The following MAGI3 variants were observed in gnomAD, a reference collection of about 807,000 sequenced individuals.
The protein encoded by MAGI3 is membrane-associated guanylate kinase, WW and PDZ domain-containing protein 3.
A neutral mutation model predicts 121.8 loss-of-function variants in MAGI3; 43 were observed. The ratio of observed to expected loss-of-function variants is 0.35; its 90% CI spans 0.28 to 0.46. The LOEUF is 0.46. MAGI3 is among the 20% of genes least tolerant of loss of function. The probability of loss-of-function intolerance (pLI) is 1.00; values close to 1 mark genes in which losing one functional copy is unlikely to be tolerated. For synonymous variants in MAGI3, 553 were observed against 639.3 expected, an observed-to-expected ratio of 0.86 and a Z score of 2.04; for missense variants, 1,547 against 1,797.3, an observed-to-expected ratio of 0.86 and a Z score of 2.52.
chr1:113,683,652 G>A lies in MAGI3; in HGVS notation c.4084G>A (p.Val1362Ile). 2 of 1,611,368 alleles carry A rather than the reference G, an allele frequency of 1.2e-6. No homozygotes were observed. Among genetic ancestry groups the A allele is most frequent in the Non-Finnish European group, 8.5e-7 (1 of 1,178,760 alleles). The change falls in exon 21 of 21, where the codon GTT becomes ATT. Residue 1362 changes from valine to isoleucine, a missense_variant. Coordinates refer to ENST00000307546, the MANE Select transcript of MAGI3 (RefSeq NM_001142782.2). ...TCCAGAGAAAAAAATCAAAAGAATGGTTGAGAAATCTCTTCCATCCAAAAT... is the reference window on the plus strand; with the variant it reads ...TCCAGAGAAAAAAATCAAAAGAATGATTGAGAAATCTCTTCCATCCAAAAT... ...RSPEKKIKRM[V>I]EKSLPSKMTN...
intron 1 of MAGI3, chr1:113,450,124 G>GTTC (rs1654401228): frequency 6.8e-7 from 1 of 1,462,746 alleles, no homozygotes; most frequent in African/African-American, 1.4e-5. Context: ...AGGCAGAGTG[G>GTTC]GAAAAAGAGG....
At chr1:113,605,924 C>T (rs1001232378) in intron 6 of MAGI3, among the ~76,000 whole-genome samples, 34 of 151,390 alleles carry the variant, frequency 2.2e-4, no homozygotes, top group Admixed American at 2.2e-3. Flanking sequence ...ATTAAAAGGG[C>T]ACTTAAGAGT....
intron 1 of MAGI3, among the ~76,000 whole-genome samples, chr1:113,451,286 T>C (rs1412333924): frequency 2.0e-5 from 3 of 152,322 alleles, no homozygotes; most frequent in African/African-American, 7.2e-5. Context: ...ATTGATCTCA[T>C]CGTAAACAGC....
At chr1:113,603,379 A>ACAC (rs1649527367) in intron 6 of MAGI3, among the ~76,000 whole-genome samples, 1 of 150,166 alleles carries the variant, frequency 6.7e-6, no homozygotes, top group Admixed American at 6.6e-5. Context: ...AACAACAACA[A>ACAC]AAAGCCTGAG....
chr1:113,633,673 G>T (rs1651812223), intron 9 of MAGI3, among the ~76,000 whole-genome samples: 1 of 152,122 alleles, frequency 6.6e-6, no homozygotes, highest in South Asian at 2.1e-4. Flanking sequence ...CTTTGCTATT[G>T]TGAATAGTGC....
At chr1:113,599,526 AG>A (rs1649236345) in intron 6 of MAGI3, among the ~76,000 whole-genome samples, 1 of 152,216 alleles carries the variant, frequency 6.6e-6, no homozygotes, top group South Asian at 2.1e-4. Flanking sequence ...ACCAGGAAGA[AG>A]TTGAATCTCT....
Position 113,548,917 on chromosome 1 carries a change from A to G in MAGI3, c.317-598A>G, listed in dbSNP as rs77762333. Among the ~76,000 whole-genome samples, 611 of 152,316 alleles carry G rather than the reference A, an allele frequency of 4.0e-3. 2 individuals are homozygous for G. Among genetic ancestry groups the G allele is most frequent in the African/African-American group, 0.014 (581 of 41,572 alleles). On this transcript the variant is annotated intron_variant, in intron 1 of 20. Coordinates refer to ENST00000307546, the MANE Select transcript of MAGI3 (RefSeq NM_001142782.2). The stretch of plus-strand genomic sequence containing the variant: ...GGAAGTAGAACCGACAAAAGTTGCT[A>G]ATGTGTTGGATCTGGATGGGTAGAA...
intron 1 of MAGI3, among the ~76,000 whole-genome samples, chr1:113,415,992 A>ATG (rs1652282601): frequency 1.2e-5 from 1 of 80,920 alleles, no homozygotes; most frequent in African/African-American, 4.0e-5. Context: ...TATATTAATT[A>ATG]TATAATTAAT....
intron 6 of MAGI3, among the ~76,000 whole-genome samples, chr1:113,597,312 A>G (rs746325086): frequency 3.3e-5 from 5 of 152,182 alleles, no homozygotes; most frequent in Non-Finnish European, 7.3e-5. Flanking sequence ...TGGGCTAAGG[A>G]TAAGAATAGA....
chr1:113,475,875 T>G (rs1028753970), intron 1 of MAGI3, among the ~76,000 whole-genome samples: 14 of 152,334 alleles, frequency 9.2e-5, no homozygotes, highest in African/African-American at 3.4e-4. Flanking sequence ...TTTTGGTTGG[T>G]AGGCTATTAA....
At chr1:113,664,963 C>G (rs906868769) in intron 16 of MAGI3, among the ~76,000 whole-genome samples, 2 of 151,994 alleles carry the variant, frequency 1.3e-5, no homozygotes, top group African/African-American at 4.8e-5. Context: ...GACCATGGTA[C>G]CCTTTATTAT....
chr1:113,410,787 G>A (rs1651934177), intron 1 of MAGI3, among the ~76,000 whole-genome samples: 1 of 152,036 alleles, frequency 6.6e-6, no homozygotes, highest in Admixed American at 6.6e-5. Context: ...CCCAGGTTAT[G>A]TTAACCCTGC....
chr1:113,463,355 C>T (rs1655123670), intron 1 of MAGI3, among the ~76,000 whole-genome samples: 1 of 150,758 alleles, frequency 6.6e-6, no homozygotes, highest in Admixed American at 6.7e-5. Context: ...CCCTGTGGCA[C>T]ACTAGATTTT....
At position 113,436,606 on chromosome 1, in the gene MAGI3, C is replaced by T. The variant is rs78226786; in HGVS notation, c.316+45257C>T. 2.6e-5 allele frequency among the ~76,000 whole-genome samples: 4 copies of T among 152,082 alleles called. No homozygotes were observed. The East Asian group carries it at 7.7e-4, about 29-fold the overall frequency. On this transcript the variant is annotated intron_variant, in intron 1 of 20. Coordinates refer to ENST00000307546, the MANE Select transcript of MAGI3 (RefSeq NM_001142782.2). Reference sequence around the variant, plus strand: ...GAAAGGATATTATTTAACCATTGAGCTGGGTAATGTTAATAGTTCATGGAG... The same window carrying T: ...GAAAGGATATTATTTAACCATTGAGTTGGGTAATGTTAATAGTTCATGGAG...
intron 1 of MAGI3, among the ~76,000 whole-genome samples, chr1:113,401,249 C>A (rs964598276): frequency 1.3e-5 from 2 of 152,038 alleles, no homozygotes; most frequent in East Asian, 1.9e-4. Flanking sequence ...ATCCAAAAAA[C>A]CTGTCTTCCT....
intron 2 of MAGI3, among the ~76,000 whole-genome samples, chr1:113,563,588 A>G (rs1381012789): frequency 6.6e-6 from 1 of 152,272 alleles, no homozygotes; most frequent in South Asian, 2.1e-4. Context: ...CAACACCCTG[A>G]TAGGTGATTT....
chr1:113,559,567 C>A (rs530533521), intron 2 of MAGI3, among the ~76,000 whole-genome samples: 2 of 150,704 alleles, frequency 1.3e-5, no homozygotes, highest in Admixed American at 6.6e-5. Context: ...CATAAAGTTC[C>A]TTTTTTTTGT....
chr1:113,431,927 T>C (rs192849345), intron 1 of MAGI3, among the ~76,000 whole-genome samples: 3 of 152,196 alleles, frequency 2.0e-5, no homozygotes, highest in African/African-American at 7.2e-5. Context: ...AGGCACTTGA[T>C]CTACACTATG....
chr1:113,639,180 A>G (rs1291057654), intron 9 of MAGI3, among the ~76,000 whole-genome samples: 1 of 152,146 alleles, frequency 6.6e-6, no homozygotes, highest in Non-Finnish European at 1.5e-5. Flanking sequence ...GACCCCTTGC[A>G]CTTCCCGAGT....
Sources: gnomAD v4.1 joint callset for allele counts (sites outside exome capture counted in the v4.1 genomes callset) on GRCh38, gnomAD v4.1.1 for gene constraint, MANE v1.5 for transcripts, NCBI Gene and HGNC (gene_info 2026-07-23, HGNC 2026-07-21) for gene names.